The following SLIT2 variants were observed in gnomAD, a reference collection of about 807,000 sequenced individuals.
The protein encoded by SLIT2 is slit guidance ligand 2, also known as slit homolog 2 protein.
Under a neutral mutation model 185.7 loss-of-function variants are expected in SLIT2, and 41 were observed. The ratio of observed to expected loss-of-function variants is 0.22; its 90% CI spans 0.17 to 0.29. SLIT2 has a LOEUF of 0.29. Ranked by LOEUF, SLIT2 falls within the 10% of genes least tolerant of loss-of-function variation. The pLI is 1.00. For synonymous variants in SLIT2, 693 were observed against 680.2 expected (o/e 1.02, Z -0.29); for missense variants, 1,571 against 1,909.0 (o/e 0.82, Z 3.30).
At position 20,598,313 on chromosome 4, in the gene SLIT2, G is replaced by T. The variant is rs1313077695; in HGVS notation, c.3610G>T (p.Asp1204Tyr). The change falls in exon 33 of 37, where the codon GAC (aspartate) becomes TAC (tyrosine). Residue 1204 changes from aspartate (D) to tyrosine (Y), a missense_variant. Transcript: ENST00000504154. ...AATCCTCCTGTATAAGGGTGACAAA[G>T]ACCATATCGCGGTAGAACTCTATCG... ...SGILLYKGDK[D>Y]HIAVELYRGR... is the part of the protein sequence containing the mutation. 6 of 1,614,068 alleles carry T rather than the reference G, an allele frequency of 3.7e-6. No homozygotes were observed. The highest frequency in any genetic ancestry group is 5.1e-6 in the Non-Finnish European group (6 of 1,179,974).
chr4:20,294,877 G>A (rs1344435918), intron 4 of SLIT2, among the ~76,000 whole-genome samples: 1 of 152,016 alleles, frequency 6.6e-6, no homozygotes, highest in African/African-American at 2.4e-5. Context: ...AAACAAGGAG[G>A]GTATTAAAAG....
chr4:20,496,122 G>C (rs1718203058), intron 9 of SLIT2, among the ~76,000 whole-genome samples: 1 of 152,038 alleles, frequency 6.6e-6, no homozygotes, highest in Admixed American at 6.6e-5. Context: ...TCTTACAACT[G>C]TCTCATGATA....
chr4:20,339,821 A>C (rs969292060), intron 4 of SLIT2, among the ~76,000 whole-genome samples: 6 of 152,216 alleles, frequency 3.9e-5, no homozygotes, highest in African/African-American at 1.4e-4. Flanking sequence ...GTGATTTAAA[A>C]AAAAAAGAAA....
chr4:20,396,641 G>A (rs1327799775), intron 4 of SLIT2, among the ~76,000 whole-genome samples: 2 of 151,422 alleles, frequency 1.3e-5, no homozygotes, highest in African/African-American at 4.8e-5. Context: ...GCAATTCAGG[G>A]TCCTCTGAGT....
chr4:20,386,092 T>C (rs1261423701), intron 4 of SLIT2, among the ~76,000 whole-genome samples: 1 of 152,114 alleles, frequency 6.6e-6, no homozygotes, highest in Non-Finnish European at 1.5e-5. Context: ...ATGTGTATGA[T>C]ATATGTATAA....
At chr4:20,275,653 T>C (rs529591407) in intron 4 of SLIT2, among the ~76,000 whole-genome samples, 90 of 152,308 alleles carry the variant, frequency 5.9e-4, no homozygotes, top group African/African-American at 2.1e-3. Flanking sequence ...AATGTGCATT[T>C]GTACCATGTT....
chr4:20,319,822 C>A (rs888143436), intron 4 of SLIT2, among the ~76,000 whole-genome samples: 11 of 149,364 alleles, frequency 7.4e-5, no homozygotes, highest in Non-Finnish European at 1.0e-4. Flanking sequence ...AAAAAAAAAA[C>A]AAAAACCATA....
At chr4:20,521,555 C>T (rs908547229) in intron 12 of SLIT2, among the ~76,000 whole-genome samples, 3 of 152,206 alleles carry the variant, frequency 2.0e-5, no homozygotes, top group African/African-American at 7.2e-5. Context: ...TGTTTGCTCT[C>T]TAACTGCTTC....
chr4:20,448,484 C>A (rs2148710425), intron 4 of SLIT2, among the ~76,000 whole-genome samples: 1 of 152,024 alleles, frequency 6.6e-6, no homozygotes, highest in Non-Finnish European at 1.5e-5. Context: ...CTACACCCAG[C>A]CAATTTTTGT....
chr4:20,509,332 A>G (rs1158334831), intron 9 of SLIT2, among the ~76,000 whole-genome samples: 1 of 152,098 alleles, frequency 6.6e-6, no homozygotes, highest in African/African-American at 2.4e-5. Flanking sequence ...GTAACAGGGA[A>G]AAAACTGCTA....
chr4:20,569,039 G>T (rs1296167419), intron 29 of SLIT2, 35 bp downstream of exon 29: 1 of 1,584,222 alleles, frequency 6.3e-7, no homozygotes, highest in East Asian at 2.2e-5. Context: ...CCTTCCATCA[G>T]TATATCTGTT....
At chr4:20,472,014 A>AGATT in intron 5 of SLIT2, among the ~76,000 whole-genome samples, 1 of 151,770 alleles carries the variant, frequency 6.6e-6, no homozygotes, top group Middle Eastern at 3.4e-3. Flanking sequence ...ATATGCTGTG[A>AGATT]GAATAGCAAG....
chr4:20,280,259 G>A (rs1405174493), intron 4 of SLIT2, among the ~76,000 whole-genome samples: 1 of 151,344 alleles, frequency 6.6e-6, no homozygotes, highest in Non-Finnish European at 1.5e-5. Flanking sequence ...CGTGAACCTG[G>A]GAGGCGGAGG....
At chr4:20,535,590 C>A (rs1020520980) in intron 18 of SLIT2, among the ~76,000 whole-genome samples, 5 of 152,084 alleles carry the variant, frequency 3.3e-5, no homozygotes, top group African/African-American at 1.2e-4. Context: ...ATTGCTTACA[C>A]AACAGAAACT....
chr4:20,587,992 A>G (rs1186201059), intron 29 of SLIT2, among the ~76,000 whole-genome samples: 1 of 152,228 alleles, frequency 6.6e-6, no homozygotes, highest in Non-Finnish European at 1.5e-5. Context: ...TACTATAAAC[A>G]GCCTATATCT....
chr4:20,276,555 A>G (rs1384958621), intron 4 of SLIT2, among the ~76,000 whole-genome samples: 1 of 151,828 alleles, frequency 6.6e-6, no homozygotes, highest in Non-Finnish European at 1.5e-5. Flanking sequence ...GAAAGTTTAT[A>G]GCAAAGTATG....
At chr4:20,516,756 TA>T (rs1720254563) in intron 11 of SLIT2, among the ~76,000 whole-genome samples, 1 of 152,326 alleles carries the variant, frequency 6.6e-6, no homozygotes, top group Admixed American at 6.5e-5. Context: ...CTAGTCCTGC[TA>T]AACCTTTCTG....
At chr4:20,515,940 C>T (rs1299782045) in intron 11 of SLIT2, among the ~76,000 whole-genome samples, 2 of 152,150 alleles carry the variant, frequency 1.3e-5, no homozygotes, top group Admixed American at 6.5e-5. Flanking sequence ...CTCAGCCTCT[C>T]ATGTAGCTGG....
chr4:20,512,851 C>G (rs1035550511), intron 11 of SLIT2, among the ~76,000 whole-genome samples: 16 of 151,826 alleles, frequency 1.1e-4, no homozygotes, highest in South Asian at 2.1e-4. Context: ...TAAGCTCTTC[C>G]CTTAATAATG....
Sources: allele counts gnomAD v4.1 joint callset (sites outside exome capture counted in the v4.1 genomes callset), GRCh38; gene constraint gnomAD v4.1.1; transcripts MANE v1.5; gene names NCBI Gene and HGNC (gene_info 2026-07-23, HGNC 2026-07-21).